The following TLE7 variants were observed in gnomAD, a reference collection of about 807,000 sequenced individuals.
The protein encoded by TLE7 is transducin-like enhancer protein 7.
chr16:71,431,014 C>T lies in TLE7; in HGVS notation c.1147+107G>A, dbSNP rs528531497. The T allele has an allele frequency of 5.0e-6, 2 of 399,768 alleles. No homozygotes were observed. Among genetic ancestry groups the T allele is most frequent in the South Asian group, 1.4e-4 (1 of 7,164 alleles). The allele number at this position is 399,768 out of a possible 1,614,324, so 24.8% of individuals were successfully genotyped here. ...AGGCTGTCATTCTGTGCAGGATCTC[C>T]CATTACGGAGGGAGCCAGAAAAGGA... On this transcript the variant is annotated intron_variant, in intron 8 of 9. Coordinates refer to ENST00000561754, the MANE Select transcript of TLE7 (RefSeq NM_001367365.2). The surrounding 1 kb of genome is among the most constrained non-coding windows in gnomAD (Gnocchi z 4.5).
chr16:71,437,744 C>T (rs1051290803), intron 1 of TLE7, among the ~76,000 whole-genome samples: 3 of 152,200 alleles, frequency 2.0e-5, no homozygotes, highest in African/African-American at 7.2e-5. Context: ...TCTACTGTCT[C>T]CTCTCCTCTG....
intron 1 of TLE7, among the ~76,000 whole-genome samples, chr16:71,437,585 G>GGAC (rs2042831513): frequency 6.6e-6 from 1 of 151,490 alleles, no homozygotes; most frequent in Non-Finnish European, 1.5e-5. Flanking sequence ...ACCAGGCTGG[G>GGAC]GACCAGCATC....
At position 71,431,313 on chromosome 16, in the gene TLE7, T is replaced by C; in HGVS notation, c.994-39A>G. 1 of 399,212 alleles carries C rather than the reference T, an allele frequency of 2.5e-6. No individual in the cohort carries two copies. Among genetic ancestry groups the C allele is most frequent in the East Asian group, 3.6e-5 (1 of 28,072 alleles). 24.7% of individuals were successfully genotyped at this position (399,212 alleles called of 1,614,324 possible). ...CAGGTTTGAGGTCAGCACTCAAAGTTGCCAACGCCATCCTTTGTGCCCACC... is the reference window on the plus strand; with the variant it reads ...CAGGTTTGAGGTCAGCACTCAAAGTCGCCAACGCCATCCTTTGTGCCCACC... On this transcript the variant is annotated intron_variant, in intron 7 of 9. Coordinates refer to ENST00000561754, the MANE Select transcript of TLE7 (RefSeq NM_001367365.2). The surrounding 1 kb of genome is among the most constrained non-coding windows in gnomAD (Gnocchi z 4.5).
intron 2 of TLE7, 27 bp from the exon 3 acceptor site, chr16:71,432,919 G>A: frequency 2.5e-6 from 1 of 399,068 alleles, no homozygotes; most frequent in East Asian, 3.6e-5. Flanking sequence ...GAGGGAGGGA[G>A]GAGACAGAGT....
At chr16:71,437,599 G>A (rs1034803459) in intron 1 of TLE7, among the ~76,000 whole-genome samples, 3 of 151,738 alleles carry the variant, frequency 2.0e-5, no homozygotes, top group African/African-American at 7.2e-5. Flanking sequence ...CAGCATCTGA[G>A]AGGCACTGGG....
At position 71,431,413 on chromosome 16, in the gene TLE7, C is replaced by A; in HGVS notation, c.993+8G>T. On this transcript the variant is annotated splice_region_variant and intron_variant, in intron 7 of 9. Coordinates refer to ENST00000561754, the MANE Select transcript of TLE7 (RefSeq NM_001367365.2). The surrounding 1 kb of genome is among the most constrained non-coding windows in gnomAD (Gnocchi z 4.5). ...GTGGCATTCTGCCAGTGGTGGCCAGCCGGGCACCTCATTCTGTAAGTTGTG... is the reference window on the plus strand; with the variant it reads ...GTGGCATTCTGCCAGTGGTGGCCAGACGGGCACCTCATTCTGTAAGTTGTG... 1 of 400,610 alleles carries A rather than the reference C, an allele frequency of 2.5e-6. No homozygotes were observed. Among genetic ancestry groups the A allele is most frequent in the Non-Finnish European group, 4.4e-6 (1 of 226,318 alleles). 24.8% of individuals were successfully genotyped at this position (400,610 alleles called of 1,614,324 possible).
Position 71,437,607 on chromosome 16 carries a change from G to A in TLE7, c.-96-4187C>T, listed in dbSNP as rs951487550. 1.4e-4 allele frequency among the ~76,000 whole-genome samples: 21 copies of A among 151,708 alleles called. 1 individual carries two copies. Among genetic ancestry groups the A allele is most frequent in the African/African-American group, 4.8e-4 (20 of 41,364 alleles). On this transcript the variant is annotated intron_variant, in intron 1 of 9. Coordinates refer to ENST00000561754, the MANE Select transcript of TLE7 (RefSeq NM_001367365.2). The stretch of plus-strand genomic sequence containing the variant: ...TGGGGACCAGCATCTGAGAGGCACT[G>A]GGGGAACCCTTCGGTCTGAGGATCC...
intron 1 of TLE7, among the ~76,000 whole-genome samples, chr16:71,435,037 A>G (rs2042820914): frequency 6.6e-6 from 1 of 152,210 alleles, no homozygotes; most frequent in Non-Finnish European, 1.5e-5. Context: ...TGTCTGGCCA[A>G]TGCCCAAATG....
In TLE7 at chr16:71,432,281, T is replaced by C. The variant is rs560270667; in HGVS notation, c.438A>G (p.Pro146=). The part of the protein sequence containing the change: ...DEVVVRQKRA[P]QGSWKVGTLF... ...GTGTGCCAACCTTCCAGGAGCCCTG[T>C]GGGGCCCTCTTCTGCCTGACCACAA... Residue 146 remains proline, a synonymous_variant, in exon 5 of 10, where the codon CCA becomes CCG. Transcript: ENST00000561754. The C allele has an allele frequency of 5.4e-4, 217 of 400,870 alleles. No homozygotes were observed. The highest frequency in any genetic ancestry group is 3.9e-3 in the African/African-American group (190 of 48,820). The allele number at this position is 400,870 out of a possible 1,614,324, so 24.8% of individuals were successfully genotyped here. A position where few individuals can be genotyped will look rare whatever the true frequency, so the allele number is the denominator to read the frequency against.
intron 1 of TLE7, among the ~76,000 whole-genome samples, chr16:71,438,150 T>G (rs1596987153): frequency 6.6e-6 from 1 of 151,612 alleles, no homozygotes; most frequent in Non-Finnish European, 1.5e-5. Flanking sequence ...CCATAAGGAG[T>G]GGCCGGACAC....
chr16:71,441,348 G>A lies in TLE7; in HGVS notation c.-97+621C>T, dbSNP rs145485039. Among the ~76,000 whole-genome samples the A allele has an allele frequency of 7.0e-3, 1,074 of 152,374 alleles. 20 individuals are homozygous for A. Among genetic ancestry groups the A allele is most frequent in the African/African-American group, 0.025 (1,032 of 41,602 alleles). On this transcript the variant is annotated intron_variant, in intron 1 of 9. Transcript: ENST00000561754. The stretch of plus-strand genomic sequence containing the variant: ...AATCCTCCCGCCTCGGCCTCCCACA[G>A]TGCTGGGATCACAGGCGTGCGCCAC...
rs1237027385 is a variant in TLE7 at position 71,431,645 on chromosome 16, T to C, written c.852-83A>G. ...TTCAGGGTCAGGAAGCCCCTAGGAG[T>C]ACCCCAGATATATCTTCTACACTGA... On this transcript the variant is annotated intron_variant, in intron 6 of 9. Coordinates refer to ENST00000561754, the MANE Select transcript of TLE7 (RefSeq NM_001367365.2). This position sits in a 1 kb window ranked among gnomAD's most constrained non-coding sequence, Gnocchi z 4.5. The C allele has an allele frequency of 7.5e-6, 3 of 399,976 alleles. No individual in the cohort carries two copies. The highest frequency in any genetic ancestry group is 2.6e-4 in the South Asian group (2 of 7,710). 24.8% of individuals were successfully genotyped at this position (399,976 alleles called of 1,614,324 possible). A position where few individuals can be genotyped will look rare whatever the true frequency, so the allele number is the denominator to read the frequency against.
chr16:71,441,951 G>T lies in TLE7; in HGVS notation c.-97+18C>A, dbSNP rs997961169. 3.9e-5 allele frequency: 6 copies of T among 152,444 alleles called. No homozygotes were observed. The highest frequency in any genetic ancestry group is 3.3e-4 in the Admixed American group (5 of 15,306). The allele number at this position is 152,444 out of a possible 1,614,324, so 9.4% of individuals were successfully genotyped here. A position where few individuals can be genotyped will look rare whatever the true frequency, so the allele number is the denominator to read the frequency against. ...GACCAGCAGACGCGCGGGGATCCAC[G>T]GCAGAACAGCCCCTTACCGTGGCGG... On this transcript the variant is annotated intron_variant, in intron 1 of 9. Coordinates refer to ENST00000561754, the MANE Select transcript of TLE7 (RefSeq NM_001367365.2).
At chr16:71,437,305 C>A (rs1165801585) in intron 1 of TLE7, among the ~76,000 whole-genome samples, 1 of 139,704 alleles carries the variant, frequency 7.2e-6, no homozygotes, top group East Asian at 2.1e-4. Flanking sequence ...GCTGAGATTG[C>A]GCCACTGCAT....
chr16:71,438,467 A>AAAAAG (rs1477044248), intron 1 of TLE7, among the ~76,000 whole-genome samples: 1 of 150,812 alleles, frequency 6.6e-6, no homozygotes, highest in South Asian at 2.1e-4. Context: ...AGAAAAGAGA[A>AAAAAG]AAAAGAAAAG....
At chr16:71,441,520 G>A (rs776714909) in intron 1 of TLE7, among the ~76,000 whole-genome samples, 17 of 152,250 alleles carry the variant, frequency 1.1e-4, no homozygotes, top group Non-Finnish European at 2.1e-4. Flanking sequence ...TACTCCTCTG[G>A]GTCGGGCAGG....
intron 1 of TLE7, among the ~76,000 whole-genome samples, chr16:71,433,708 C>T (rs1461987734): frequency 6.6e-6 from 1 of 152,162 alleles, no homozygotes; most frequent in East Asian, 1.9e-4. Context: ...ACCTGTAATC[C>T]CAGCTCTTTG....
chr16:71,434,546 G>C (rs1292356968), intron 1 of TLE7, among the ~76,000 whole-genome samples: 1 of 152,224 alleles, frequency 6.6e-6, no homozygotes, highest in Non-Finnish European at 1.5e-5. Context: ...CAAGCACCAG[G>C]GTGGGGGCCC....
chr16:71,431,819 A>T lies in TLE7; in HGVS notation c.793T>A (p.Leu265Met), dbSNP rs1402830288. The T allele has an allele frequency of 5.0e-6, 2 of 400,698 alleles. No homozygotes were observed. Among genetic ancestry groups the T allele is most frequent in the African/African-American group, 4.1e-5 (2 of 48,676 alleles). 24.8% of individuals were successfully genotyped at this position (400,698 alleles called of 1,614,324 possible). A position where few individuals can be genotyped will look rare whatever the true frequency, so the allele number is the denominator to read the frequency against. Reference sequence around the variant, plus strand: ...TCAACAAATCCATGGAAACAAGCCAAACAGATATGGGCATCAGAGGAGACA... The same window carrying T: ...TCAACAAATCCATGGAAACAAGCCATACAGATATGGGCATCAGAGGAGACA... ...LAVSSDAHIC[L>M]ACFHGFVEIW... The change falls in exon 6 of 10, where the codon TTG (leucine) becomes ATG (methionine). Residue 265 changes from leucine to methionine, a missense_variant. By Grantham distance (15) the Leu-to-Met change is conservative. Transcript: ENST00000561754. The surrounding 1 kb of genome is among the most constrained non-coding windows in gnomAD (Gnocchi z 4.5).
Sources: gnomAD v4.1 joint callset for allele counts (sites outside exome capture counted in the v4.1 genomes callset) on GRCh38, gnomAD v4.1.1 for gene constraint, Gnocchi (gnomAD v3.1) non-coding constraint, MANE v1.5 for transcripts, NCBI Gene and HGNC (gene_info 2026-07-23, HGNC 2026-07-21) for gene names.